The following EYS variants were observed in gnomAD, a reference collection of about 807,000 sequenced individuals.
EYS encodes EGF-like photoreceptor maintenance factor, also known as protein eyes shut homolog.
A neutral mutation model predicts 282.1 loss-of-function variants in EYS; 250 were observed. The observed-to-expected ratio is 0.89, with a 90% CI of 0.80 to 0.98. The LOEUF is 0.98. Ranked by LOEUF, EYS falls within the 50% of genes least tolerant of loss-of-function variation. EYS has a pLI of 0.00. For missense variants in EYS, 4,016 were observed against 3,709.0 expected (o/e 1.08, Z -2.15); for synonymous variants, 1,355 against 1,282.9 (o/e 1.06, Z -1.20).
intron 33 of EYS, among the ~76,000 whole-genome samples, chr6:64,063,177 G>A (rs915661966): frequency 6.6e-6 from 1 of 152,006 alleles, no homozygotes; most frequent in African/African-American, 2.4e-5. Flanking sequence ...CTTTCCCATG[G>A]TTTCAATTAT....
At chr6:64,881,100 G>T (rs528735850) in intron 19 of EYS, among the ~76,000 whole-genome samples, 3 of 151,620 alleles carry the variant, frequency 2.0e-5, no homozygotes, top group Non-Finnish European at 4.4e-5. Flanking sequence ...TGTCCATCCT[G>T]ATTACTGCAT....
chr6:64,398,849 G>GA (rs1192092027), intron 28 of EYS, among the ~76,000 whole-genome samples: 2 of 151,734 alleles, frequency 1.3e-5, no homozygotes, highest in African/African-American at 4.8e-5. Context: ...GACTATGGGA[G>GA]AAAAAATGGT....
chr6:64,953,362 G>C (rs1769577935), intron 14 of EYS, among the ~76,000 whole-genome samples: 3 of 151,462 alleles, frequency 2.0e-5, no homozygotes, highest in Non-Finnish European at 4.4e-5. Context: ...ATTTTTCTTT[G>C]CTTTAATAAA....
At chr6:64,808,437 A>G (rs1764501389) in intron 22 of EYS, among the ~76,000 whole-genome samples, 1 of 152,090 alleles carries the variant, frequency 6.6e-6, no homozygotes, top group African/African-American at 2.4e-5. Flanking sequence ...ATATAATTTA[A>G]CTGAGACAAC....
intron 5 of EYS, among the ~76,000 whole-genome samples, chr6:65,434,203 C>T (rs1316689218): frequency 6.6e-6 from 1 of 152,078 alleles, no homozygotes; most frequent in Non-Finnish European, 1.5e-5. Context: ...AGACGTAAGT[C>T]ATTATCCAGA....
intron 12 of EYS, among the ~76,000 whole-genome samples, chr6:65,222,954 G>T (rs970832815): frequency 1.3e-5 from 2 of 152,130 alleles, no homozygotes; most frequent in Admixed American, 6.6e-5. Flanking sequence ...AGGGTACACA[G>T]CAACTCACAA....
At chr6:64,103,651 G>T (rs1012519921) in intron 31 of EYS, among the ~76,000 whole-genome samples, 14 of 152,156 alleles carry the variant, frequency 9.2e-5, no homozygotes, top group African/African-American at 3.1e-4. Flanking sequence ...AAGAAATTGA[G>T]TTTCATTCTG....
At chr6:64,794,543 TC>T (rs1280726633) in intron 22 of EYS, among the ~76,000 whole-genome samples, 1 of 152,188 alleles carries the variant, frequency 6.6e-6, no homozygotes. Context: ...ATGGTAAGTT[TC>T]CTGTGGCCTC....
chr6:65,121,791 G>A (rs9363336), intron 12 of EYS, among the ~76,000 whole-genome samples: 38,038 of 152,012 alleles, frequency 0.25, 5,591 homozygotes, highest in East Asian at 0.41. Context: ...ATTCAGGTTA[G>A]GCTATAGTAT....
At chr6:64,209,865 T>C (rs1488953518) in intron 31 of EYS, among the ~76,000 whole-genome samples, 2 of 152,224 alleles carry the variant, frequency 1.3e-5, no homozygotes, top group Non-Finnish European at 2.9e-5. Context: ...GTATCATTTC[T>C]ATACTTTTAT....
chr6:65,390,668 G>C (rs1562145293), intron 7 of EYS, among the ~76,000 whole-genome samples: 1 of 152,030 alleles, frequency 6.6e-6, no homozygotes, highest in Non-Finnish European at 1.5e-5. Flanking sequence ...AGGATCGCTT[G>C]ACTCCAAGAG....
At chr6:65,121,742 G>A (rs1228745855) in intron 12 of EYS, among the ~76,000 whole-genome samples, 2 of 152,078 alleles carry the variant, frequency 1.3e-5, no homozygotes, top group African/African-American at 2.4e-5. Context: ...AGTGATACGT[G>A]TATAATAAAT....
intron 26 of EYS, among the ~76,000 whole-genome samples, chr6:64,545,877 C>A (rs186630748): frequency 0.012 from 1,900 of 152,178 alleles, 40 homozygotes; most frequent in African/African-American, 0.043. Context: ...AAAGAGGATA[C>A]AAACAAATGG....
chr6:64,121,205 G>A (rs1773578502), intron 31 of EYS, among the ~76,000 whole-genome samples: 1 of 152,164 alleles, frequency 6.6e-6, no homozygotes, highest in East Asian at 1.9e-4. Context: ...TCATGCGGAT[G>A]AGCAGGCCAT....
chr6:65,175,294 T>G (rs2150229739), intron 12 of EYS, among the ~76,000 whole-genome samples: 1 of 151,440 alleles, frequency 6.6e-6, no homozygotes, highest in Admixed American at 6.6e-5. Context: ...ATTTGGAATA[T>G]AATAGTAAGG....
At chr6:64,986,780 T>C (rs1044353781) in intron 14 of EYS, among the ~76,000 whole-genome samples, 29 of 151,476 alleles carry the variant, frequency 1.9e-4, no homozygotes, top group African/African-American at 7.0e-4. Context: ...TTTAGAAATG[T>C]TTTTAGTTTG....
At chr6:64,233,931 C>A (rs535933186) in intron 30 of EYS, among the ~76,000 whole-genome samples, 1 of 152,280 alleles carries the variant, frequency 6.6e-6, no homozygotes, top group Admixed American at 6.5e-5. Flanking sequence ...ATTGCTTCAG[C>A]CTGAAGGATT....
At chr6:65,542,473 ATGTGTGTGTG>A (rs35318949) in intron 2 of EYS, among the ~76,000 whole-genome samples, 8 of 146,444 alleles carry the variant, frequency 5.5e-5, no homozygotes, top group Non-Finnish European at 7.6e-5. Flanking sequence ...TAACAATAGA[ATGTGTGTGTG>A]TGTGTGTGTG....
intron 12 of EYS, among the ~76,000 whole-genome samples, chr6:65,063,918 C>G (rs939016288): frequency 6.6e-6 from 1 of 151,664 alleles, no homozygotes; most frequent in Non-Finnish European, 1.5e-5. Context: ...GCTCTGCAGA[C>G]TGGACATACT....
Sources: allele counts gnomAD v4.1 joint callset (sites outside exome capture counted in the v4.1 genomes callset), GRCh38; gene constraint gnomAD v4.1.1; transcripts MANE v1.5; gene names NCBI Gene and HGNC (gene_info 2026-07-23, HGNC 2026-07-21).